The following ERICH3 variants were observed in gnomAD, a reference collection of about 807,000 sequenced individuals.
ERICH3 encodes the protein glutamate-rich protein 3.
A neutral mutation model predicts 131.1 loss-of-function variants in ERICH3; 126 were observed. That is an observed-to-expected ratio of 0.96 (90% CI 0.83 to 1.11). The LOEUF is 1.11. Ranked by LOEUF, ERICH3 falls within the 50% of genes most tolerant of loss-of-function variation. The pLI is 0.00. For synonymous variants in ERICH3, 695 were observed against 644.6 expected (o/e 1.08, Z -1.18); for missense variants, 2,050 against 1,810.7 (o/e 1.13, Z -2.40).
intron 7 of ERICH3, among the ~76,000 whole-genome samples, chr1:74,626,385 A>T (rs1434610231): frequency 6.6e-6 from 1 of 152,196 alleles, no homozygotes. Flanking sequence ...CTGTAATTGC[A>T]CAGGGCTTAT....
At chr1:74,596,405 A>G (rs888494947) in intron 11 of ERICH3, among the ~76,000 whole-genome samples, 7 of 152,074 alleles carry the variant, frequency 4.6e-5, no homozygotes, top group Non-Finnish European at 8.8e-5. Flanking sequence ...CAGTGCATGT[A>G]CACATAGTAT....
intron 8 of ERICH3, 107 bp downstream of exon 8, chr1:74,620,627 T>C: frequency 2.1e-6 from 2 of 950,728 alleles, no homozygotes; most frequent in Non-Finnish European, 3.0e-6. Flanking sequence ...TCCCTGGATA[T>C]GCATAATTTC....
chr1:74,587,010 TC>T lies in ERICH3; in HGVS notation c.2176+2620del, dbSNP rs1647359043. Reference sequence around the variant, plus strand: ...TTATTTGTTAATAAAAAATTAATAATCGCACATATATTACGGCTTAACAAAG... The same window carrying T: ...TTATTTGTTAATAAAAAATTAATAATGCACATATATTACGGCTTAACAAAG... On this transcript the variant is annotated intron_variant, in intron 12 of 14. Transcript: ENST00000326665. Among the ~76,000 whole-genome samples the T allele has an allele frequency of 2.6e-5, 4 of 152,196 alleles. No individual in the cohort carries two copies. The South Asian group carries it at 8.3e-4, about 32-fold the overall frequency.
chr1:74,612,284 A>G lies in ERICH3; in HGVS notation c.1187+339T>C, dbSNP rs548040623. ...CCAGTTACTAAGATGAATGAGGAAAAACAGACACACAAACAAAAACAACAA... is the reference window on the plus strand; with the variant it reads ...CCAGTTACTAAGATGAATGAGGAAAGACAGACACACAAACAAAAACAACAA... On this transcript the variant is annotated intron_variant, in intron 9 of 14. Transcript: ENST00000326665. Among the ~76,000 whole-genome samples the G allele has an allele frequency of 1.7e-4, 26 of 152,290 alleles. 1 individual carries two copies. Among genetic ancestry groups the G allele is most frequent in the Middle Eastern group, 3.4e-3 (1 of 294 alleles).
intron 6 of ERICH3, 115 bp downstream of exon 6, chr1:74,636,165 C>T: frequency 1.2e-6 from 1 of 868,082 alleles, no homozygotes. Flanking sequence ...CATACATATA[C>T]AATATAATTT....
At chr1:74,658,121 A>G (rs1370426721) in intron 1 of ERICH3, among the ~76,000 whole-genome samples, 1 of 152,176 alleles carries the variant, frequency 6.6e-6, no homozygotes, top group Non-Finnish European at 1.5e-5. Flanking sequence ...TTAGATAACT[A>G]GTCCATAACT....
At chr1:74,615,043 AC>A (rs1360086443) in intron 8 of ERICH3, among the ~76,000 whole-genome samples, 1 of 152,102 alleles carries the variant, frequency 6.6e-6, no homozygotes, top group Non-Finnish European at 1.5e-5. Flanking sequence ...CAGGAAATCA[AC>A]CCCTAGAAGT....
intron 11 of ERICH3, among the ~76,000 whole-genome samples, chr1:74,593,542 C>A (rs1647705071): frequency 6.6e-6 from 1 of 151,976 alleles, no homozygotes; most frequent in Non-Finnish European, 1.5e-5. Context: ...ATAACTATTT[C>A]TTTATAGTCT....
rs1311569091 is a variant in ERICH3, at chr1:74,569,682, C to T, written c.*776G>A. ...TTATTCCACTTAGCTAAATTATTTA[C>T]TACTTTTATTTAAATTTGAGTGGCC... is the stretch of plus-strand genomic sequence containing the variant. On this transcript the variant is annotated 3_prime_UTR_variant, in exon 15 of 15. Transcript: ENST00000326665. 1 of 152,058 alleles carries T rather than the reference C, an allele frequency of 6.6e-6. No individual in the cohort carries two copies. The highest frequency in any genetic ancestry group is 2.4e-5 in the African/African-American group (1 of 41,380). The allele number at this position is 152,058 out of a possible 1,614,324, so 9.4% of individuals were successfully genotyped here.
chr1:74,572,108 T>G lies in ERICH3; in HGVS notation c.3602A>C (p.Asn1201Thr). The G allele has an allele frequency of 6.2e-7, 1 of 1,614,242 alleles. No homozygotes were observed. The highest frequency in any genetic ancestry group is 1.3e-5 in the African/African-American group (1 of 75,064). ...GCGGTGCCCTTCCTTCAGGGCCCTA[T>G]TCTCCCTGCTGGACAGCTCTTCTCT... ...KDREELSSRE[N>T]RALKEGHRQD... Residue 1201 changes from asparagine to threonine, a missense_variant, in exon 14 of 15, where the codon AAT (asparagine) becomes ACT (threonine). Transcript: ENST00000326665.
chr1:74,655,340 G>A (rs140780972), intron 1 of ERICH3, among the ~76,000 whole-genome samples: 7 of 152,242 alleles, frequency 4.6e-5, no homozygotes, highest in Middle Eastern at 3.4e-3. Flanking sequence ...TACAGCTCTG[G>A]AGGTCAGAAG....
chr1:74,665,385 C>A (rs962146053), intron 1 of ERICH3, among the ~76,000 whole-genome samples: 1 of 152,100 alleles, frequency 6.6e-6, no homozygotes, highest in Admixed American at 6.5e-5. Context: ...ACCCCCATGA[C>A]CCCCATATGT....
chr1:74,610,250 T>A (rs12096052), intron 9 of ERICH3, among the ~76,000 whole-genome samples: 3,756 of 151,686 alleles, frequency 0.025, 179 homozygotes, highest in African/African-American at 0.086. Flanking sequence ...TACACTCTTA[T>A]CTCTCTGAAA....
chr1:74,582,966 T>G (rs1228572818), intron 12 of ERICH3, among the ~76,000 whole-genome samples: 2 of 152,158 alleles, frequency 1.3e-5, no homozygotes, highest in African/African-American at 4.8e-5. Context: ...GTTTCTTTCT[T>G]TCTCTTTTCT....
intron 2 of ERICH3, among the ~76,000 whole-genome samples, chr1:74,648,208 T>C (rs1392685990): frequency 6.6e-6 from 1 of 152,138 alleles, no homozygotes; most frequent in Non-Finnish European, 1.5e-5. Flanking sequence ...TTGTTAATGA[T>C]GCTGATAAGT....
chr1:74,625,205 A>G (rs537614844), intron 7 of ERICH3: 6 of 152,094 alleles, frequency 3.9e-5, no homozygotes, highest in African/African-American at 1.4e-4. Flanking sequence ...GTTTCACCAT[A>G]CCTGAATAAT....
intron 7 of ERICH3, among the ~76,000 whole-genome samples, chr1:74,630,435 G>A (rs969164994): frequency 3.3e-5 from 5 of 152,152 alleles, no homozygotes; most frequent in African/African-American, 1.2e-4. Context: ...AACCTTAAAA[G>A]CATTCTGTGG....
chr1:74,601,134 C>G (rs1163069849), intron 10 of ERICH3, among the ~76,000 whole-genome samples: 1 of 151,718 alleles, frequency 6.6e-6, no homozygotes, highest in Non-Finnish European at 1.5e-5. Flanking sequence ...ATATGAATAT[C>G]AGTAAACCAA....
intron 1 of ERICH3, among the ~76,000 whole-genome samples, chr1:74,668,315 C>G (rs549757897): frequency 6.6e-6 from 1 of 152,260 alleles, no homozygotes; most frequent in South Asian, 2.1e-4. Context: ...AAGGACACAT[C>G]TCTCTTCATC....
Sources: allele counts gnomAD v4.1 joint callset (sites outside exome capture counted in the v4.1 genomes callset), GRCh38; gene constraint gnomAD v4.1.1; transcripts MANE v1.5; gene names NCBI Gene and HGNC (gene_info 2026-07-23, HGNC 2026-07-21).